The following SUGCT variants were observed in gnomAD, a reference collection of about 807,000 sequenced individuals.
SUGCT encodes the protein succinyl-CoA:glutarate-CoA transferase.
A neutral mutation model predicts 55.0 loss-of-function variants in SUGCT; 41 were observed. The observed-to-expected ratio is 0.74, with a 90% confidence interval of 0.58 to 0.97. The LOEUF (loss-of-function observed/expected upper bound fraction) is 0.97, where lower values mean the gene tolerates loss of function less well. Ranked by LOEUF, SUGCT falls within the 50% of genes least tolerant of loss-of-function variation. SUGCT has a pLI of 0.00. For missense variants in SUGCT, 568 were observed against 547.8 expected, an observed-to-expected ratio of 1.04 and a Z score of -0.37; for synonymous variants, 187 against 200.4, an observed-to-expected ratio of 0.93 and a Z score of 0.56.
At chr7:41,037,878 A>G in the SUGCT span, among the ~76,000 whole-genome samples, 2 of 152,128 alleles carry the variant, frequency 1.3e-5, no homozygotes, top group Admixed American at 1.3e-4. Flanking sequence ...GATGTTGGAA[A>G]CTGCAATAAG....
chr7:40,544,234 T>TC (rs1794867092), intron 12 of SUGCT, among the ~76,000 whole-genome samples: 1 of 151,920 alleles, frequency 6.6e-6, no homozygotes, highest in South Asian at 2.1e-4. Context: ...AGGAGATACT[T>TC]CCTTTTTCCT....
chr7:40,582,818 T>G (rs1326695644), intron 12 of SUGCT, among the ~76,000 whole-genome samples: 1 of 152,178 alleles, frequency 6.6e-6, no homozygotes, highest in Non-Finnish European at 1.5e-5. Context: ...GAGCACATAG[T>G]CAGTATATAT....
chr7:40,483,361 C>A (rs1791159974), intron 11 of SUGCT, among the ~76,000 whole-genome samples: 1 of 152,124 alleles, frequency 6.6e-6, no homozygotes, highest in Admixed American at 6.5e-5. Flanking sequence ...CAACAGTTTG[C>A]CTCCCCACAA....
intron 7 of SUGCT, among the ~76,000 whole-genome samples, chr7:40,265,330 C>T (rs184746143): frequency 3.3e-5 from 5 of 152,180 alleles, no homozygotes; most frequent in Admixed American, 6.5e-5. Flanking sequence ...AAATGCTTGG[C>T]GACTTTTCAA....
chr7:40,198,221 T>G (rs1786398121), intron 6 of SUGCT, among the ~76,000 whole-genome samples: 1 of 152,208 alleles, frequency 6.6e-6, no homozygotes, highest in South Asian at 2.1e-4. Flanking sequence ...TATTTCCTGA[T>G]AATGAAACAG....
At chr7:40,349,994 A>T (rs1444575037) in intron 9 of SUGCT, among the ~76,000 whole-genome samples, 1 of 152,020 alleles carries the variant, frequency 6.6e-6, no homozygotes, top group African/African-American at 2.4e-5. Context: ...AGCTTTTCCT[A>T]TATTTTTGTC....
At chr7:40,626,844 G>A (rs1023424004) in intron 12 of SUGCT, among the ~76,000 whole-genome samples, 2 of 152,078 alleles carry the variant, frequency 1.3e-5, no homozygotes, top group African/African-American at 2.4e-5. Flanking sequence ...CTTGGCACAC[G>A]GAAAATGCTC....
chr7:40,964,047 G>A, the SUGCT span, among the ~76,000 whole-genome samples: 100 of 152,308 alleles, frequency 6.6e-4, no homozygotes, highest in East Asian at 0.014. Context: ...GTATTTAGAA[G>A]TATCAGAAAG....
At chr7:40,864,036 G>A (rs895154335), downstream of SUGCT, among the ~76,000 whole-genome samples, 4 of 152,078 alleles carry the variant, frequency 2.6e-5, no homozygotes, top group African/African-American at 9.7e-5. Flanking sequence ...GTACAATTGC[G>A]TTTCTTACTA....
intron 12 of SUGCT, among the ~76,000 whole-genome samples, chr7:40,543,836 G>A (rs116355951): frequency 0.031 from 4,767 of 152,270 alleles, 261 homozygotes; most frequent in African/African-American, 0.11. Flanking sequence ...ATAAGTATAT[G>A]TGCCTATATA....
chr7:40,681,624 G>A (rs1453500719), intron 12 of SUGCT, among the ~76,000 whole-genome samples: 1 of 152,130 alleles, frequency 6.6e-6, no homozygotes, highest in Non-Finnish European at 1.5e-5. Flanking sequence ...GGTTTTTAAA[G>A]GCAGGCACAA....
chr7:40,754,004 A>G (rs565183945), intron 13 of SUGCT, among the ~76,000 whole-genome samples: 2 of 152,286 alleles, frequency 1.3e-5, no homozygotes, highest in South Asian at 2.1e-4. Context: ...TCTTCAAACT[A>G]TAATAAAGAG....
At chr7:40,403,122 G>T (rs571740915) in intron 9 of SUGCT, among the ~76,000 whole-genome samples, 51 of 152,022 alleles carry the variant, frequency 3.4e-4, no homozygotes, top group Admixed American at 1.0e-3. Flanking sequence ...CATTTTCCTT[G>T]TTTTGCCTTT....
At chr7:40,424,866 A>G (rs1787505054) in intron 9 of SUGCT, among the ~76,000 whole-genome samples, 1 of 152,114 alleles carries the variant, frequency 6.6e-6, no homozygotes, top group African/African-American at 2.4e-5. Context: ...GACTTATTGA[A>G]GAATAAGATT....
chr7:40,587,665 AGATGTCATATGACTTATCCCATTTTCCT>A (rs1237094184), intron 12 of SUGCT, among the ~76,000 whole-genome samples: 1 of 152,156 alleles, frequency 6.6e-6, no homozygotes, highest in Non-Finnish European at 1.5e-5. Flanking sequence ...ATGATTGGTA[AGATGTCATATGACTTATCCCATTTTCCT>A]TTTATTGTGT....
At chr7:40,487,250 G>GTTTTTTTTTTTTT (rs1167865633) in intron 11 of SUGCT, among the ~76,000 whole-genome samples, 5 of 42,906 alleles carry the variant, frequency 1.2e-4, no homozygotes, top group East Asian at 6.4e-4. Flanking sequence ...ACACCCAGCT[G>GTTTTTTTTTTTTT]TTTTTTTTTT....
intron 13 of SUGCT, among the ~76,000 whole-genome samples, chr7:40,859,661 A>G (rs144585692): frequency 6.6e-6 from 1 of 152,218 alleles, no homozygotes; most frequent in South Asian, 2.1e-4. Context: ...CCTTACCTGA[A>G]GTCTGTATAG....
intron 12 of SUGCT, among the ~76,000 whole-genome samples, chr7:40,556,336 C>T (rs1480331311): frequency 1.3e-5 from 2 of 151,954 alleles, no homozygotes; most frequent in African/African-American, 4.9e-5. Context: ...GTATGAAGGC[C>T]CTGCTTCTTG....
intron 9 of SUGCT, among the ~76,000 whole-genome samples, chr7:40,375,102 G>A (rs1784479560): frequency 6.6e-6 from 1 of 152,168 alleles, no homozygotes; most frequent in Admixed American, 6.5e-5. Context: ...CATTAGTACA[G>A]ACAGCGTCAC....
Sources: allele counts gnomAD v4.1 joint callset (sites outside exome capture counted in the v4.1 genomes callset), GRCh38; gene constraint gnomAD v4.1.1; transcripts MANE v1.5; gene names NCBI Gene and HGNC (gene_info 2026-07-23, HGNC 2026-07-21).